Variants in CDC34 observed in about 807,000 individuals in gnomAD.
The protein encoded by CDC34 is cell division cycle 34, ubiquitin conjugating enzyme.
A neutral mutation model predicts 26.8 loss-of-function variants in CDC34; 18 were observed. That is an observed-to-expected ratio of 0.67 (90% CI 0.47 to 1.00). CDC34 has a LOEUF of 1.00. Ranked by LOEUF, CDC34 falls within the 50% of genes least tolerant of loss-of-function variation. The pLI is 0.00. For synonymous variants in CDC34, 178 were observed against 147.5 expected (o/e 1.21, Z -1.50); for missense variants, 280 against 334.5 (o/e 0.84, Z 1.27).
chr19:531,841 C>G lies in CDC34; in HGVS notation c.-91C>G, dbSNP rs866254652. 2.0e-5 allele frequency: 16 copies of G among 798,744 alleles called. No individual in the cohort carries two copies. Among genetic ancestry groups the G allele is most frequent in the Non-Finnish European group, 2.6e-5 (16 of 623,702 alleles). 49.5% of individuals were successfully genotyped at this position (798,744 alleles called of 1,614,324 possible). The stretch of plus-strand genomic sequence containing the variant: ...CAGGCGGCGGCCCCGGTGGCTCCCC[C>G]CCGGACGGTGCGCGGCCCGGCCCGT... On this transcript the variant is annotated 5_prime_UTR_variant, in exon 1 of 5. Coordinates refer to ENST00000215574, the MANE Select transcript of CDC34 (RefSeq NM_004359.2).
At chr19:532,918 C>A (rs17841731) in intron 1 of CDC34, among the ~76,000 whole-genome samples, 3,617 of 152,300 alleles carry the variant, frequency 0.024, 143 homozygotes, top group African/African-American at 0.082. Context: ...TGGTCTTGGC[C>A]TTTCTCAGAG....
intron 1 of CDC34, among the ~76,000 whole-genome samples, chr19:535,157 G>T (rs1054543364): frequency 2.6e-5 from 4 of 152,206 alleles, no homozygotes; most frequent in African/African-American, 9.7e-5. Context: ...CTCTGTGGCC[G>T]TCCTTGCCAG....
At chr19:539,336 G>A (rs1044276323) in intron 4 of CDC34, among the ~76,000 whole-genome samples, 2 of 139,978 alleles carry the variant, frequency 1.4e-5, no homozygotes, top group African/African-American at 2.6e-5. Flanking sequence ...TGCCGTCCCC[G>A]GGGCACCGTC....
intron 4 of CDC34, 162 bp from the exon 5 acceptor site, chr19:541,177 C>A: frequency 1.1e-6 from 1 of 904,606 alleles, no homozygotes; most frequent in Non-Finnish European, 1.6e-6. Flanking sequence ...CATTTCTCCC[C>A]CTGGAGTTCC....
Position 536,932 on chromosome 19 carries a change from C to G in CDC34, c.363-81C>G, listed in dbSNP as rs752021910. On this transcript the variant is annotated intron_variant, in intron 3 of 4. Transcript: ENST00000215574. Reference sequence around the variant, plus strand: ...TCACCTGCTGGGTGGGTCCAGGCGTCCCCGTGACCCTCAGGGCCAGAGAAG... The same window carrying G: ...TCACCTGCTGGGTGGGTCCAGGCGTGCCCGTGACCCTCAGGGCCAGAGAAG... 4 of 1,558,522 alleles carry G rather than the reference C, an allele frequency of 2.6e-6. No individual in the cohort carries two copies. The African/African-American group carries it at 5.4e-5, about 21-fold the overall frequency.
chr19:535,567 C>T (rs1365047719), intron 1 of CDC34, among the ~76,000 whole-genome samples: 2 of 152,232 alleles, frequency 1.3e-5, no homozygotes, highest in African/African-American at 2.4e-5. Context: ...CCAGTGCCCA[C>T]GTTCCCCAGC....
intron 1 of CDC34, among the ~76,000 whole-genome samples, chr19:533,215 C>T (rs963654876): frequency 1.3e-5 from 2 of 152,152 alleles, no homozygotes; most frequent in Non-Finnish European, 2.9e-5. Context: ...AACGAGCACC[C>T]TGTCCAGGAA....
chr19:541,628 C>G lies in CDC34; in HGVS notation c.*76C>G. 1.4e-6 allele frequency: 2 copies of G among 1,451,314 alleles called. No homozygotes were observed. The highest frequency in any genetic ancestry group is 1.8e-6 in the Non-Finnish European group (2 of 1,090,164). 89.9% of individuals were successfully genotyped at this position (1,451,314 alleles called of 1,614,324 possible). A position where few individuals can be genotyped will look rare whatever the true frequency, so the allele number is the denominator to read the frequency against. ...GCTCCTTAGACGACAGACTACCTCA[C>G]GGAGGTTTTGTGCTGGTCCCCGTCT... is the stretch of plus-strand genomic sequence containing the variant. On this transcript the variant is annotated 3_prime_UTR_variant, in exon 5 of 5. Transcript: ENST00000215574.
chr19:539,872 G>A (rs1052509439), intron 4 of CDC34, among the ~76,000 whole-genome samples: 5 of 152,170 alleles, frequency 3.3e-5, no homozygotes, highest in African/African-American at 7.2e-5. Context: ...TGGTGTGCGC[G>A]GTGCAGCCCC....
At chr19:539,163 C>T in intron 4 of CDC34, 1 of 350,924 alleles carries the variant, frequency 2.8e-6, no homozygotes, top group Non-Finnish European at 4.0e-6. Flanking sequence ...GTCGGGCAGG[C>T]TGCCGTGGAG....
intron 1 of CDC34, among the ~76,000 whole-genome samples, chr19:532,551 C>T (rs1979544047): frequency 6.6e-6 from 1 of 152,226 alleles, no homozygotes; most frequent in African/African-American, 2.4e-5. Flanking sequence ...CCGCCCTCCC[C>T]GGAGGAGACA....
In CDC34 at chr19:537,299, C is replaced by T. The variant is rs983501095; in HGVS notation, c.497+152C>T. The T allele has an allele frequency of 2.5e-5, 21 of 848,878 alleles. No individual in the cohort carries two copies. The East Asian group carries it at 3.4e-4, about 14-fold the overall frequency. 52.6% of individuals were successfully genotyped at this position (848,878 alleles called of 1,614,324 possible). ...CAGGGTGCCAGTCACAGATGGAGGCCGGGCCGAGTGGCGGAGGGTCCAGCC... is the reference window on the plus strand; with the variant it reads ...CAGGGTGCCAGTCACAGATGGAGGCTGGGCCGAGTGGCGGAGGGTCCAGCC... On this transcript the variant is annotated intron_variant, in intron 4 of 4. Transcript: ENST00000215574.
rs1979503225 is a variant in CDC34, at chr19:531,888, CGCGGCCCCG to C, written c.-43_-35del. 2 of 1,244,412 alleles carry C rather than the reference CGCGGCCCCG, an allele frequency of 1.6e-6. No individual in the cohort carries two copies. Among genetic ancestry groups the C allele is most frequent in the Non-Finnish European group, 2.0e-6 (2 of 989,600 alleles). 77.1% of individuals were successfully genotyped at this position (1,244,412 alleles called of 1,614,324 possible). ...CCGTCTCGCGAACTCGCGGTGGTCGCGCGGCCCCGCGCTGCTCCGACCCCGGGCCCCTCC... is the reference window on the plus strand; with the variant it reads ...CCGTCTCGCGAACTCGCGGTGGTCGCCGCTGCTCCGACCCCGGGCCCCTCC... On this transcript the variant is annotated 5_prime_UTR_variant, in exon 1 of 5. Coordinates refer to ENST00000215574, the MANE Select transcript of CDC34 (RefSeq NM_004359.2).
intron 4 of CDC34, 95 bp from the exon 5 acceptor site, chr19:541,243 GA>G: frequency 7.1e-7 from 1 of 1,417,148 alleles, no homozygotes; most frequent in Admixed American, 2.8e-5. Flanking sequence ...AGAGAAACCT[GA>G]GCGTTGGGGT....
chr19:534,199 C>T (rs890477034), intron 1 of CDC34, among the ~76,000 whole-genome samples: 3 of 152,228 alleles, frequency 2.0e-5, no homozygotes, highest in East Asian at 1.9e-4. Context: ...CTTGGGGAAC[C>T]GCAGGACAGT....
intron 4 of CDC34, among the ~76,000 whole-genome samples, chr19:539,419 G>A (rs375119866): frequency 2.0e-5 from 3 of 148,810 alleles, no homozygotes; most frequent in East Asian, 2.0e-4. Flanking sequence ...TGCCGTCCCC[G>A]GGGCACTGTC....
At chr19:535,197 C>T (rs1979682786) in intron 1 of CDC34, among the ~76,000 whole-genome samples, 1 of 152,220 alleles carries the variant, frequency 6.6e-6, no homozygotes, top group Admixed American at 6.5e-5. Context: ...CCTGGGTGAC[C>T]ACAGGGGGCG....
chr19:532,583 T>G lies in CDC34; in HGVS notation c.177+475T>G, dbSNP rs367570848. Among the ~76,000 whole-genome samples the G allele has an allele frequency of 5.2e-3, 789 of 151,692 alleles. 4 individuals carry two copies. Among genetic ancestry groups the G allele is most frequent in the African/African-American group, 0.017 (723 of 41,464 alleles). On this transcript the variant is annotated intron_variant, in intron 1 of 4. Coordinates refer to ENST00000215574, the MANE Select transcript of CDC34 (RefSeq NM_004359.2). ...GACAAAGAGGCCCCCCCAGACCCCG[T>G]AGCTGCTATTGTTGGGGAGCTGGGC...
At chr19:539,437 C>T (rs113776545) in intron 4 of CDC34, among the ~76,000 whole-genome samples, 3 of 152,184 alleles carry the variant, frequency 2.0e-5, no homozygotes, top group African/African-American at 7.2e-5. Context: ...GTCAGTCACC[C>T]CCCCAGCCCA....
Sources: allele counts gnomAD v4.1 joint callset (sites outside exome capture counted in the v4.1 genomes callset), GRCh38; gene constraint gnomAD v4.1.1; transcripts MANE v1.5; gene names NCBI Gene and HGNC (gene_info 2026-07-23, HGNC 2026-07-21).